Variants in FHIP1A observed in about 807,000 individuals in gnomAD.
FHIP1A encodes FHF complex subunit HOOK-interacting protein 1A.
In FHIP1A, 61 loss-of-function variants were observed where a neutral mutation model predicts 88.6. The observed-to-expected ratio is 0.69, with a 90% confidence interval of 0.56 to 0.85. The LOEUF is 0.85. Among genes scored for constraint, FHIP1A ranks in the 40% least tolerant of loss-of-function variants. FHIP1A has a pLI of 0.00. For missense variants in FHIP1A, 1,154 were observed against 1,273.5 expected (o/e 0.91, Z 1.43); for synonymous variants, 478 against 496.0 (o/e 0.96, Z 0.48).
chr4:151,626,039 A>G (rs1258824313), intron 7 of FHIP1A, among the ~76,000 whole-genome samples: 1 of 152,200 alleles, frequency 6.6e-6, no homozygotes, highest in Non-Finnish European at 1.5e-5. Context: ...AGTCAGAAAT[A>G]ATATTTTGTA....
intron 4 of FHIP1A, among the ~76,000 whole-genome samples, chr4:151,576,069 ACCAG>A (rs1298565019): frequency 6.6e-6 from 1 of 152,186 alleles, no homozygotes; most frequent in Non-Finnish European, 1.5e-5. Context: ...TGAATATTAT[ACCAG>A]AAATTCTAAG....
At chr4:151,486,341 C>G (rs1730081811) in intron 3 of FHIP1A, among the ~76,000 whole-genome samples, 1 of 152,154 alleles carries the variant, frequency 6.6e-6, no homozygotes, top group Non-Finnish European at 1.5e-5. Context: ...TACGGGTTCT[C>G]AAACTGTGTG....
intron 3 of FHIP1A, among the ~76,000 whole-genome samples, chr4:151,561,731 A>G (rs1733180419): frequency 6.6e-6 from 1 of 152,108 alleles, no homozygotes; most frequent in Admixed American, 6.5e-5. Context: ...GAATTTTTCT[A>G]TTGGCAGTTG....
chr4:151,486,742 G>A (rs534119892), intron 3 of FHIP1A, among the ~76,000 whole-genome samples: 4 of 151,960 alleles, frequency 2.6e-5, no homozygotes, highest in South Asian at 2.1e-4. Context: ...CGAGGCGGGC[G>A]GATCGCCTGA....
intron 7 of FHIP1A, among the ~76,000 whole-genome samples, chr4:151,596,851 C>T (rs552720897): frequency 2.6e-5 from 4 of 152,116 alleles, no homozygotes; most frequent in African/African-American, 9.6e-5. Flanking sequence ...ATGAAGTGCT[C>T]GTGTTGTGTT....
chr4:151,513,143 A>G (rs1020276567), intron 3 of FHIP1A, among the ~76,000 whole-genome samples: 9 of 152,182 alleles, frequency 5.9e-5, no homozygotes, highest in Admixed American at 1.3e-4. Flanking sequence ...GTGGGGGCCA[A>G]TATTCAACAT....
chr4:151,519,057 A>T (rs953182561), intron 3 of FHIP1A, among the ~76,000 whole-genome samples: 2 of 152,146 alleles, frequency 1.3e-5, no homozygotes, highest in South Asian at 2.1e-4. Context: ...CATGAACTCA[A>T]TATTTATTTA....
At chr4:151,607,732 G>A (rs796734569) in intron 7 of FHIP1A, among the ~76,000 whole-genome samples, 16 of 152,072 alleles carry the variant, frequency 1.1e-4, no homozygotes, top group African/African-American at 3.6e-4. Flanking sequence ...CTACCTTATC[G>A]GGCTTTTGTA....
At chr4:151,499,374 T>C (rs1730569605) in intron 3 of FHIP1A, among the ~76,000 whole-genome samples, 1 of 152,214 alleles carries the variant, frequency 6.6e-6, no homozygotes, top group South Asian at 2.1e-4. Flanking sequence ...TTGGTCTTAA[T>C]TTCTCTTATT....
intron 3 of FHIP1A, among the ~76,000 whole-genome samples, chr4:151,505,507 T>G (rs927456312): frequency 6.6e-5 from 10 of 152,186 alleles, no homozygotes; most frequent in Non-Finnish European, 1.3e-4. Flanking sequence ...CCAGTGTCAT[T>G]GCTAGACTTC....
Position 151,496,716 on chromosome 4 carries a change from C to CTTTTTT in FHIP1A, c.-123+14080_-123+14085dup, listed in dbSNP as rs58538673. Reference sequence around the variant, plus strand: ...CACAGGAGCATACCACCACGTCCAGCTTTTTTTTTTTTTTTTTGTATTTTT... The same window carrying CTTTTTT: ...CACAGGAGCATACCACCACGTCCAGCTTTTTTTTTTTTTTTTTTTTTTTGTATTTTT... On this transcript the variant is annotated intron_variant, in intron 3 of 13. Coordinates refer to ENST00000435205, the MANE Select transcript of FHIP1A (RefSeq NM_001109977.3). Among the ~76,000 whole-genome samples, 83 of 102,450 alleles carry CTTTTTT rather than the reference C, an allele frequency of 8.1e-4. 1 individual carries two copies. The highest frequency in any genetic ancestry group is 5.6e-3 in the Middle Eastern group (1 of 178). The allele number at this position is 102,450 out of a possible 152,430, so 67.2% of individuals were successfully genotyped here.
intron 3 of FHIP1A, among the ~76,000 whole-genome samples, chr4:151,485,258 C>T (rs951434622): frequency 2.9e-5 from 4 of 136,492 alleles, no homozygotes; most frequent in Admixed American, 7.2e-5. Flanking sequence ...TAATTTCTTT[C>T]GAGCATAGTT....
intron 3 of FHIP1A, among the ~76,000 whole-genome samples, chr4:151,540,035 G>A (rs906242316): frequency 1.6e-4 from 25 of 152,198 alleles, no homozygotes; most frequent in African/African-American, 5.8e-4. Flanking sequence ...TTAGGTTTAT[G>A]CAAGAAAGAC....
At chr4:151,434,186 C>T (rs1377737907) in intron 1 of FHIP1A, among the ~76,000 whole-genome samples, 4 of 152,172 alleles carry the variant, frequency 2.6e-5, no homozygotes, top group Non-Finnish European at 5.9e-5. Flanking sequence ...TTTCTTTTAT[C>T]CTGGCCACAT....
At chr4:151,633,499 A>G (rs1309360051) in intron 8 of FHIP1A, among the ~76,000 whole-genome samples, 1 of 151,942 alleles carries the variant, frequency 6.6e-6, no homozygotes, top group Non-Finnish European at 1.5e-5. Context: ...AGACAAAGAT[A>G]CTTCAAGAAA....
At chr4:151,430,709 G>A (rs1733558311) in intron 1 of FHIP1A, among the ~76,000 whole-genome samples, 1 of 152,172 alleles carries the variant, frequency 6.6e-6, no homozygotes, top group African/African-American at 2.4e-5. Context: ...CCTTCCAGCA[G>A]GATATTTGTC....
chr4:151,548,236 G>T (rs1732584300), intron 3 of FHIP1A, among the ~76,000 whole-genome samples: 1 of 152,230 alleles, frequency 6.6e-6, no homozygotes, highest in East Asian at 1.9e-4. Context: ...GTCTAGTGTT[G>T]TTGGTGCTAC....
At chr4:151,511,830 C>T (rs976212695) in intron 3 of FHIP1A, among the ~76,000 whole-genome samples, 1 of 152,260 alleles carries the variant, frequency 6.6e-6, no homozygotes, top group Non-Finnish European at 1.5e-5. Flanking sequence ...GGCCTGCCTG[C>T]CTCTGTAGGC....
At chr4:151,559,539 G>A (rs1733089307) in intron 3 of FHIP1A, among the ~76,000 whole-genome samples, 2 of 152,058 alleles carry the variant, frequency 1.3e-5, no homozygotes, top group African/African-American at 4.8e-5. Context: ...ACAAATCGTG[G>A]CATACTATAC....
Sources: gnomAD v4.1 joint callset for allele counts (sites outside exome capture counted in the v4.1 genomes callset) on GRCh38, gnomAD v4.1.1 for gene constraint, MANE v1.5 for transcripts, NCBI Gene and HGNC (gene_info 2026-07-23, HGNC 2026-07-21) for gene names.